DPYD: variants seen among roughly 807,000 people sequenced by gnomAD.
DPYD encodes the protein dihydropyrimidine dehydrogenase [NADP(+)].
DPYD carries 109 observed loss-of-function variants against 116.2 expected under a neutral mutation model. The observed-to-expected ratio is 0.94, with a 90% confidence interval of 0.80 to 1.10. The LOEUF is 1.10. DPYD is among the 50% of genes least tolerant of loss of function. The pLI, the probability that DPYD is intolerant of heterozygous loss-of-function variation, is 0.00. For missense variants in DPYD, 1,302 were observed against 1,254.5 expected (o/e 1.04, Z -0.57); for synonymous variants, 440 against 432.0 (o/e 1.02, Z -0.23).
At chr1:97,340,334 T>C (rs184634280) in intron 16 of DPYD, among the ~76,000 whole-genome samples, 1,758 of 152,172 alleles carry the variant, frequency 0.012, 23 homozygotes, top group Middle Eastern at 0.027. Context: ...GCTATATGCA[T>C]AAACTATATA....
chr1:97,471,312 G>A (rs550301736), intron 13 of DPYD, among the ~76,000 whole-genome samples: 7 of 152,118 alleles, frequency 4.6e-5, no homozygotes, highest in African/African-American at 1.7e-4. Flanking sequence ...AAAAAAACCC[G>A]AAAAACAAAA....
At chr1:97,789,392 C>G (rs1250259045) in intron 3 of DPYD, among the ~76,000 whole-genome samples, 1 of 152,098 alleles carries the variant, frequency 6.6e-6, no homozygotes, top group Non-Finnish European at 1.5e-5. Context: ...ATACTGGGAG[C>G]ATCAATCATT....
chr1:97,149,459 G>A (rs1654863271), intron 20 of DPYD, among the ~76,000 whole-genome samples: 1 of 152,026 alleles, frequency 6.6e-6, no homozygotes, highest in Non-Finnish European at 1.5e-5. Context: ...CACCATGTTG[G>A]CCAGGCTGGC....
chr1:97,416,473 C>G (rs1674296950), intron 14 of DPYD, among the ~76,000 whole-genome samples: 1 of 152,172 alleles, frequency 6.6e-6, no homozygotes, highest in Non-Finnish European at 1.5e-5. Context: ...TTGGACTTCT[C>G]TCATTTTTAA....
chr1:97,604,712 ATTCAGAAAAT>A (rs1655477031), intron 8 of DPYD, among the ~76,000 whole-genome samples: 1 of 152,114 alleles, frequency 6.6e-6, no homozygotes, highest in Admixed American at 6.6e-5. Flanking sequence ...TTTTCTAGGA[ATTCAGAAAAT>A]TCCACAAGAA....
chr1:97,804,385 T>C (rs1205781020), intron 3 of DPYD, among the ~76,000 whole-genome samples: 1 of 151,764 alleles, frequency 6.6e-6, no homozygotes, highest in African/African-American at 2.4e-5. Context: ...TTAAACATAA[T>C]CATGCAAATT....
chr1:97,866,335 G>T (rs969355944), intron 2 of DPYD, among the ~76,000 whole-genome samples: 1 of 151,812 alleles, frequency 6.6e-6, no homozygotes, highest in South Asian at 2.1e-4. Flanking sequence ...ATGAGTTAGA[G>T]GTATGACAAC....
At chr1:97,533,154 C>A (rs753383417) in intron 12 of DPYD, among the ~76,000 whole-genome samples, 6 of 151,834 alleles carry the variant, frequency 4.0e-5, no homozygotes, top group Non-Finnish European at 8.8e-5. Flanking sequence ...CCCCACCATG[C>A]CGCACCTCCA....
At chr1:97,305,145 G>T in intron 18 of DPYD, 114 bp downstream of exon 18, 2 of 1,460,184 alleles carry the variant, frequency 1.4e-6, no homozygotes, top group South Asian at 1.2e-5. Context: ...ATATTGATCA[G>T]CTATGAGTTA....
At chr1:97,508,810 A>T (rs1390268146) in intron 13 of DPYD, among the ~76,000 whole-genome samples, 2 of 151,986 alleles carry the variant, frequency 1.3e-5, no homozygotes, top group Non-Finnish European at 2.9e-5. Context: ...ATGCTGTTAC[A>T]ACCTGATCTG....
chr1:97,326,660 C>T (rs1437379529), intron 16 of DPYD, among the ~76,000 whole-genome samples: 1 of 151,808 alleles, frequency 6.6e-6, no homozygotes, highest in African/African-American at 2.4e-5. Flanking sequence ...AGAATGAAGA[C>T]TGAAATGTAA....
chr1:97,442,805 T>G (rs1010444279), intron 14 of DPYD, among the ~76,000 whole-genome samples: 6 of 152,188 alleles, frequency 3.9e-5, no homozygotes, highest in Non-Finnish European at 5.9e-5. Flanking sequence ...TCACCAAGTT[T>G]TGAAAATCAA....
At chr1:97,550,675 T>C (rs1489767899) in intron 11 of DPYD, among the ~76,000 whole-genome samples, 1 of 152,128 alleles carries the variant, frequency 6.6e-6, no homozygotes, top group Non-Finnish European at 1.5e-5. Context: ...GCACAGCATC[T>C]CAGACAGACT....
chr1:97,629,708 T>A (rs75812626), intron 8 of DPYD, among the ~76,000 whole-genome samples: 16,862 of 151,836 alleles, frequency 0.11, 1,306 homozygotes, highest in South Asian at 0.16. Context: ...AAAACAAAAA[T>A]GCATAAAATG....
intron 14 of DPYD, among the ~76,000 whole-genome samples, chr1:97,410,187 G>A (rs1248016334): frequency 1.3e-5 from 2 of 151,298 alleles, no homozygotes; most frequent in Non-Finnish European, 2.9e-5. Flanking sequence ...TATATTTATT[G>A]TCTTTCTCTC....
intron 19 of DPYD, among the ~76,000 whole-genome samples, chr1:97,202,802 G>T (rs1055282942): frequency 6.6e-6 from 1 of 152,134 alleles, no homozygotes; most frequent in African/African-American, 2.4e-5. Flanking sequence ...CTGCAACCAA[G>T]AAATAATAAT....
chr1:97,289,123 CA>C (rs1296299287), intron 18 of DPYD, among the ~76,000 whole-genome samples: 1 of 152,084 alleles, frequency 6.6e-6, no homozygotes, highest in East Asian at 1.9e-4. Context: ...TACACCCTCC[CA>C]AGACTAAACC....
chr1:97,474,025 A>AAG lies in DPYD; in HGVS notation c.1741-23803_1741-23802insCT, dbSNP rs67920159. Among the ~76,000 whole-genome samples, 137 of 151,620 alleles carry AAG rather than the reference A, an allele frequency of 9.0e-4. No homozygotes were observed. In the East Asian group the frequency reaches 0.024, roughly 27 times the overall value. On this transcript the variant is annotated intron_variant, in intron 13 of 22. Transcript: ENST00000370192. ...AGTGAGAAACTGTCTTTAAAAAAAA[A>AAG]AAAAAAAGGAAAGAAAATGAAAAAG...
chr1:97,251,498 T>C (rs1163041577), intron 18 of DPYD, among the ~76,000 whole-genome samples: 2 of 151,826 alleles, frequency 1.3e-5, no homozygotes, highest in East Asian at 1.9e-4. Context: ...CAGTACATCA[T>C]GTAAGGTAAA....
Sources: allele counts gnomAD v4.1 joint callset (sites outside exome capture counted in the v4.1 genomes callset), GRCh38; gene constraint gnomAD v4.1.1; transcripts MANE v1.5; gene names NCBI Gene and HGNC (gene_info 2026-07-23, HGNC 2026-07-21).